The following PLEC variants were observed in gnomAD, a reference collection of about 807,000 sequenced individuals.
The protein encoded by PLEC is hemidesmosomal protein 1.
A neutral mutation model predicts 392.8 loss-of-function variants in PLEC; 216 were observed. The observed-to-expected ratio is 0.55, with a 90% CI of 0.49 to 0.62. PLEC has a LOEUF of 0.62. PLEC is among the 20% of genes least tolerant of loss of function. The pLI is 0.00. For synonymous variants in PLEC, 3,621 were observed against 2,980.6 expected (o/e 1.21, Z -7.00); for missense variants, 6,863 against 6,563.4 (o/e 1.05, Z -1.58).
At chr8:143,950,037 G>A (rs1421547415) in intron 1 of PLEC, 35 of 1,086,452 alleles carry the variant, frequency 3.2e-5, no homozygotes, top group South Asian at 1.2e-4. Context: ...CCTGACCCTC[G>A]GCTAGGGGGG....
exon 1 of PLEC, chr8:143,950,628 C>T: frequency 2.5e-6 from 4 of 1,600,162 alleles, no homozygotes; most frequent in Non-Finnish European, 3.4e-6. Context: ...TCCTTCTTGG[C>T]CACCATCACG....
chr8:143,969,740 G>A lies in PLEC; in HGVS notation c.70+3663C>T, dbSNP rs1291751020. Among the ~76,000 whole-genome samples, 2 of 152,102 alleles carry A rather than the reference G, an allele frequency of 1.3e-5. No homozygotes were observed. Among genetic ancestry groups the A allele is most frequent in the Admixed American group, 1.3e-4 (2 of 15,262 alleles). ...GGAGTGGGGAGTGGGGCCAGCCGGG[G>A]GCCTGGGCAGCTGGGGATAGAGACT... On this transcript the variant is annotated intron_variant, in intron 1 of 31. Coordinates refer to the PLEC transcript ENST00000356346. The surrounding 1 kb of genome is among the most constrained non-coding windows in gnomAD (Gnocchi z 5.1).
At chr8:143,953,860 G>T, upstream of PLEC, 1 of 1,567,234 alleles carries the variant, frequency 6.4e-7, no homozygotes. Flanking sequence ...GCAGCCGGGG[G>T]AGGAGCCCGG....
In PLEC at chr8:143,918,969, T is replaced by G. The variant is rs376442504; in HGVS notation, c.10852A>C (p.Met3618Leu). The change falls in exon 32 of 32, where the codon ATG becomes CTG. Residue 3618 changes from methionine (M) to leucine (L), a missense_variant. Met to Leu is a conservative substitution (Grantham distance 15, BLOSUM62 2). Coordinates refer to ENST00000345136, the MANE Select transcript of PLEC (RefSeq NM_201384.3). ...ATGATCTCGATGATGATGATGATCA[T>G]GCGTTCCTTGGTCACCCGGCCGGCC... ...FQAGRVTKER[M>L]IIIIIEIIEK... is the part of the protein sequence containing the mutation. The G allele has an allele frequency of 9.9e-6, 16 of 1,610,796 alleles. No individual in the cohort carries two copies. Among genetic ancestry groups the G allele is most frequent in the Non-Finnish European group, 1.3e-5 (15 of 1,180,000 alleles).
upstream of PLEC, chr8:143,975,419 G>A (rs781948067): frequency 6.5e-7 from 1 of 1,549,270 alleles, no homozygotes; most frequent in Admixed American, 1.7e-5. This position sits in a 1 kb window ranked among gnomAD's most constrained non-coding sequence, Gnocchi z 9.9. Flanking sequence ...CTGTTCAGGA[G>A]TGGACTCTGC....
upstream of PLEC, among the ~76,000 whole-genome samples, chr8:143,976,410 GC>G (rs1276235790): frequency 6.6e-6 from 1 of 152,074 alleles, no homozygotes; most frequent in African/African-American, 2.4e-5. Flanking sequence ...GGGCCGCCGC[GC>G]CCCGCCCCCA....
chr8:143,968,529 C>CAAAAAAAAAAAAAAAAA (rs57468544), intron 1 of PLEC, among the ~76,000 whole-genome samples: 7 of 63,698 alleles, frequency 1.1e-4, no homozygotes, highest in African/African-American at 2.8e-4. Context: ...AACTCCATCT[C>CAAAAAAAAAAAAAAAAA]AAAAAAAAAA....
rs1821136069 is a variant in PLEC at position 143,918,033 on chromosome 8, C to T, written c.11788G>A (p.Glu3930Lys). 6.2e-7 allele frequency: 1 copy of T among 1,609,288 alleles called. No individual in the cohort carries two copies. The highest frequency in any genetic ancestry group is 2.2e-5 in the East Asian group (1 of 44,798). The change falls in exon 32 of 32, where the codon GAA (glutamate) becomes AAA (lysine). Residue 3930 changes from glutamate (E) to lysine (K), a missense_variant. By Grantham distance (56) the Glu-to-Lys change is moderately conservative. Transcript: ENST00000345136. The stretch of plus-strand genomic sequence containing the variant: ...ACACCAGCGATGCAGCTGGTGCCTT[C>T]CAGGAACTTCTGCAAGTTCTTGGTG... ...EVTKNLQKFL[E>K]GTSCIAGVFV...
At position 143,930,288 on chromosome 8, in the gene PLEC, T is replaced by G. The variant is rs1564108801; in HGVS notation, c.2468A>C (p.His823Pro). ...CACCAGCTGGCACTCGTCACCCTTG[T>G]GCACAGTCACCTGGGACGGGCAGAG... ...CDYKQVEVTV[H>P]KGDECQLVGP... The change falls in exon 21 of 32, where the codon CAC becomes CCC. Residue 823 changes from histidine (H) to proline (P), a missense_variant. Coordinates refer to ENST00000345136, the MANE Select transcript of PLEC (RefSeq NM_201384.3). 3 of 1,603,004 alleles carry G rather than the reference T, an allele frequency of 1.9e-6. No individual in the cohort carries two copies. In the African/African-American group the frequency reaches 4.0e-5, roughly 21 times the overall value.
In PLEC at chr8:143,938,561, A is replaced by AGG. The variant is rs1222569391; in HGVS notation, c.174+68_174+69dup. On this transcript the variant is annotated intron_variant, in intron 2 of 31. Transcript: ENST00000345136. ...CAGCATGGGGACAGCCTTGGGCGGC[A>AGG]GGGGCCACCCTCCCTCAGCGCCTCC... The AGG allele has an allele frequency of 8.3e-6, 13 of 1,563,158 alleles. No individual in the cohort carries two copies. The Admixed American group carries it at 2.0e-4, about 24-fold the overall frequency.
At chr8:143,930,815 C>A (rs782275464) in intron 19 of PLEC, among the ~76,000 whole-genome samples, 31 of 152,192 alleles carry the variant, frequency 2.0e-4, no homozygotes, top group African/African-American at 7.0e-4. Flanking sequence ...AATGCCCTCG[C>A]CCCTTGCCCC....
chr8:143,948,783 G>A (rs1000514142), intron 1 of PLEC, among the ~76,000 whole-genome samples: 4 of 152,232 alleles, frequency 2.6e-5, no homozygotes, highest in Non-Finnish European at 5.9e-5. Context: ...AAAAAGGAGG[G>A]GAGGGACTCC....
chr8:143,934,390 A>G lies in PLEC; in HGVS notation c.1097T>C (p.Val366Ala). 6.2e-7 allele frequency: 1 copy of G among 1,612,422 alleles called. No homozygotes were observed. The highest frequency in any genetic ancestry group is 8.5e-7 in the Non-Finnish European group (1 of 1,179,898). Residue 366 changes from valine to alanine, a missense_variant, in exon 11 of 32, where the codon GTG (valine) becomes GCG (alanine). Val to Ala is a moderately conservative substitution (Grantham distance 64). Transcript: ENST00000345136. The stretch of plus-strand genomic sequence containing the variant: ...GTGCAGCTTGCCCCACTCCTTCTCC[A>G]CATCCAGCGGGTGGTAGCCAGGGGG... ...KVPPGYHPLDVEKEWGKLHVA... is the reference protein window; with the variant it reads ...KVPPGYHPLDAEKEWGKLHVA...
rs1261317286 is a variant in PLEC at position 143,931,875 on chromosome 8, G to A, written c.2178+62C>T. 4 of 1,483,360 alleles carry A rather than the reference G, an allele frequency of 2.7e-6. No individual in the cohort carries two copies. In the Admixed American group the frequency reaches 5.7e-5, roughly 21 times the overall value. 91.9% of individuals were successfully genotyped at this position (1,483,360 alleles called of 1,614,324 possible). A position where few individuals can be genotyped will look rare whatever the true frequency, so the allele number is the denominator to read the frequency against. ...GGCTCCTGATTGGAGCTGCCGAGGG[G>A]GTCCAGGGGCTCCTGCAAGGCTGCC... On this transcript the variant is annotated intron_variant, in intron 18 of 31. Transcript: ENST00000345136.
In PLEC at chr8:143,917,392, G is replaced by T; in HGVS notation, c.12429C>A (p.Ile4143=). 1 of 1,611,914 alleles carries T rather than the reference G, an allele frequency of 6.2e-7. No individual in the cohort carries two copies. The change falls in exon 32 of 32, where the codon ATC becomes ATA. Residue 4143 remains isoleucine (I), a synonymous_variant. Transcript: ENST00000345136. ...TCTCCTTGCCCGTCTCGGGGTCCAC[G>T]ATGACCACTCGGCGCTTGCGCACGG... ...KSSVRKRRVV[I]VDPETGKEMS...
At position 143,930,307 on chromosome 8, in the gene PLEC, G is replaced by T. The variant is rs782212855; in HGVS notation, c.2458-9C>A. ...CCCTTGTGCACAGTCACCTGGGACG[G>T]GCAGAGTCGGTGAGGACATGGCCAC... On this transcript the variant is annotated splice_polypyrimidine_tract_variant and intron_variant, in intron 20 of 31. Coordinates refer to ENST00000345136, the MANE Select transcript of PLEC (RefSeq NM_201384.3). The T allele has an allele frequency of 6.2e-7, 1 of 1,600,026 alleles. No homozygotes were observed. The highest frequency in any genetic ancestry group is 1.1e-5 in the South Asian group (1 of 89,806).
upstream of PLEC, chr8:143,942,402 C>T (rs782577234): frequency 6.2e-7 from 1 of 1,603,374 alleles, no homozygotes; most frequent in Admixed American, 1.7e-5. Context: ...CTACGCAGCA[C>T]AGCTGCTGGT....
At chr8:143,929,874 C>T (rs11993782) in intron 22 of PLEC, 45 bp from the exon 23 acceptor site, 1 of 1,601,072 alleles carries the variant, frequency 6.2e-7, no homozygotes, top group East Asian at 2.2e-5. Context: ...GGCGGCCGTG[C>T]CCTGCACAAC....
Position 143,939,506 on chromosome 8 carries a change from G to C in PLEC, c.-45C>G. 6.3e-7 allele frequency: 1 copy of C among 1,578,478 alleles called. No homozygotes were observed. The highest frequency in any genetic ancestry group is 8.6e-7 in the Non-Finnish European group (1 of 1,163,346). ...CGCCCGGACCCTCGGCCTCAGGCAC[G>C]GTGCTCTGGGCAGCCCCGTGTGGCA... On this transcript the variant is annotated 5_prime_UTR_variant, in exon 1 of 32. Coordinates refer to ENST00000345136, the MANE Select transcript of PLEC (RefSeq NM_201384.3).
Sources: allele counts gnomAD v4.1 joint callset (sites outside exome capture counted in the v4.1 genomes callset), GRCh38; gene constraint gnomAD v4.1.1; non-coding constraint Gnocchi (gnomAD v3.1); transcripts MANE v1.5; gene names NCBI Gene and HGNC (gene_info 2026-07-23, HGNC 2026-07-21).